STAM2: variants seen among roughly 807,000 people sequenced by gnomAD.
STAM2 encodes the protein signal transducing adapter molecule 2.
In STAM2, 51 loss-of-function variants were observed where a neutral mutation model predicts 65.6. The observed-to-expected ratio is 0.78, with a 90% CI of 0.62 to 0.98. The LOEUF (loss-of-function observed/expected upper bound fraction) is 0.98. STAM2 is among the 50% of genes least tolerant of loss of function. The pLI, the probability that STAM2 is intolerant of heterozygous loss-of-function variation, is 0.00. For missense variants in STAM2, 584 were observed against 617.8 expected (o/e 0.95, Z 0.58); for synonymous variants, 198 against 208.4 (o/e 0.95, Z 0.43).
chr2:152,152,083 G>T (rs1689456391), intron 1 of STAM2, among the ~76,000 whole-genome samples: 1 of 152,104 alleles, frequency 6.6e-6, no homozygotes. Context: ...TAGGACTACA[G>T]GTGTGCACCA....
At chr2:152,147,351 T>G (rs1429110543) in intron 4 of STAM2, 43 bp from the exon 5 acceptor site, 15 of 1,477,320 alleles carry the variant, frequency 1.0e-5, no homozygotes, top group Non-Finnish European at 1.4e-5. Flanking sequence ...AATCTACGGT[T>G]AAAATAAGTA....
chr2:152,140,419 CTTTCCT>C (rs1689224665), intron 7 of STAM2, among the ~76,000 whole-genome samples: 1 of 152,206 alleles, frequency 6.6e-6, no homozygotes, highest in Non-Finnish European at 1.5e-5. Context: ...AAACTTGAGC[CTTTCCT>C]TTTAACTACT....
chr2:152,121,897 A>T lies in STAM2; in HGVS notation c.1350-1095T>A, dbSNP rs371860617. ...GTCTCTACTACAAATACAAAAACAA[A>T]ATTAGCTGGGTGTGGTGGCACGCGC... On this transcript the variant is annotated intron_variant, in intron 13 of 13. Transcript: ENST00000263904. 2.6e-5 allele frequency among the ~76,000 whole-genome samples: 4 copies of T among 151,966 alleles called. No homozygotes were observed. The East Asian group carries it at 7.8e-4, about 29-fold the overall frequency.
In STAM2 at chr2:152,144,935, T is replaced by C. The variant is rs769052989; in HGVS notation, c.470A>G (p.Asn157Ser). The change falls in exon 6 of 14, where the codon AAT (asparagine) becomes AGT (serine). Residue 157 changes from asparagine (N) to serine (S), a missense_variant. Transcript: ENST00000263904. ...TTTGTTTTTGTTCGATGACGTACCA[T>C]TCTTGGCAGCAGCTGAGACAGTCTG... ...GSQTVSAAAKNGTSSNKNKED... is the reference protein window; with the variant it reads ...GSQTVSAAAKSGTSSNKNKED... The C allele has an allele frequency of 2.5e-6, 4 of 1,613,964 alleles. No homozygotes were observed. The highest frequency in any genetic ancestry group is 1.3e-5 in the African/African-American group (1 of 75,052).
chr2:152,153,513 A>G (rs1689485087), intron 1 of STAM2, among the ~76,000 whole-genome samples: 1 of 152,226 alleles, frequency 6.6e-6, no homozygotes, highest in African/African-American at 2.4e-5. Flanking sequence ...TTAAAAAGCC[A>G]TGCAAATTGC....
At chr2:152,144,496 C>G (rs1389641462) in intron 6 of STAM2, among the ~76,000 whole-genome samples, 1 of 152,020 alleles carries the variant, frequency 6.6e-6, no homozygotes. Context: ...TAAAAGTATG[C>G]TAGTTTTATT....
chr2:152,170,324 CA>C (rs946067108), intron 1 of STAM2, among the ~76,000 whole-genome samples: 2 of 149,840 alleles, frequency 1.3e-5, no homozygotes, highest in Non-Finnish European at 3.0e-5. Flanking sequence ...ACTAAAAATA[CA>C]AAAAAAAATT....
At chr2:152,144,104 C>G (rs1256401333) in intron 6 of STAM2, 91 bp from the exon 7 acceptor site, 5 of 1,004,432 alleles carry the variant, frequency 5.0e-6, no homozygotes, top group Non-Finnish European at 6.9e-6. Context: ...AAGAATAAAT[C>G]AAGCATTTTA....
At chr2:152,124,479 A>G (rs1197952369) in intron 12 of STAM2, 2 of 152,352 alleles carry the variant, frequency 1.3e-5, no homozygotes, top group Admixed American at 6.5e-5. Context: ...AAAGTAAAGA[A>G]GAGTTATGGG....
In STAM2 at chr2:152,141,390, T is replaced by C. The variant is rs1689244094; in HGVS notation, c.704+2437A>G. On this transcript the variant is annotated intron_variant, in intron 7 of 13. Transcript: ENST00000263904. ...CTCTACTAAAAATACAAAAATTAGC[T>C]GGGCATGGTGGCGCATGCCTGTAAT... Among the ~76,000 whole-genome samples, 7 of 150,460 alleles carry C rather than the reference T, an allele frequency of 4.7e-5. No individual in the cohort carries two copies. In the South Asian group the frequency reaches 1.5e-3, roughly 32 times the overall value.
rs10209826 is a variant in STAM2, at chr2:152,126,570, T to C, written c.1026-191A>G. 0.051 allele frequency among the ~76,000 whole-genome samples: 7,696 copies of C among 152,236 alleles called. 566 individuals carry two copies. The highest frequency in any genetic ancestry group is 0.16 in the African/African-American group (6,594 of 41,498). ...AATCCTTGTAATAGCTAGGCTGATA[T>C]TGAGGCAGGAGAATAGGGTCTGGAG... On this transcript the variant is annotated intron_variant, in intron 11 of 13. Transcript: ENST00000263904.
At chr2:152,152,481 A>G (rs1386788079) in intron 1 of STAM2, among the ~76,000 whole-genome samples, 1 of 151,924 alleles carries the variant, frequency 6.6e-6, no homozygotes, top group African/African-American at 2.4e-5. Flanking sequence ...CCCGGGAGGC[A>G]GAGCTTGCAG....
At chr2:152,122,058 ATAT>A (rs372346334) in intron 13 of STAM2, among the ~76,000 whole-genome samples, 11 of 112,180 alleles carry the variant, frequency 9.8e-5, no homozygotes, top group African/African-American at 3.5e-4. Context: ...CAAAAAAAAA[ATAT>A]ATATATATAT....
chr2:152,165,024 C>A (rs546872562), intron 1 of STAM2, among the ~76,000 whole-genome samples: 17 of 152,280 alleles, frequency 1.1e-4, no homozygotes, highest in Admixed American at 8.5e-4. Flanking sequence ...CATTTACACA[C>A]ACCCTTACTC....
intron 1 of STAM2, among the ~76,000 whole-genome samples, chr2:152,161,221 C>T (rs2105562395): frequency 6.6e-6 from 1 of 151,590 alleles, no homozygotes. Context: ...CTCTCTGAAA[C>T]ATGTGCTGTG....
intron 7 of STAM2, among the ~76,000 whole-genome samples, chr2:152,136,446 A>T (rs531598180): frequency 4.5e-4 from 68 of 152,252 alleles, no homozygotes; most frequent in South Asian, 4.1e-4. Flanking sequence ...CTCAAAAAAA[A>T]AATAATAAAA....
intron 8 of STAM2, among the ~76,000 whole-genome samples, chr2:152,134,864 C>A (rs1560213145): frequency 6.6e-6 from 1 of 152,136 alleles, no homozygotes; most frequent in Admixed American, 6.5e-5. Context: ...ACACTCAGAT[C>A]CCCCCACCTC....
In STAM2 at chr2:152,120,635, G is replaced by A. The variant is rs986034837; in HGVS notation, c.1517C>T (p.Thr506Ile). 1.2e-6 allele frequency: 2 copies of A among 1,614,124 alleles called. No individual in the cohort carries two copies. The highest frequency in any genetic ancestry group is 1.7e-5 in the Admixed American group (1 of 60,008). Residue 506 changes from threonine (T) to isoleucine (I), a missense_variant, in exon 14 of 14, where the codon ACA becomes ATA. By Grantham distance (89) the Thr-to-Ile change is moderately conservative. Coordinates refer to ENST00000263904, the MANE Select transcript of STAM2 (RefSeq NM_005843.6). ...CTGTGCAACTGGATGAGCTGGAACTGTCACCGGAAAGCCTGCCAGTTGAGG... is the reference window on the plus strand; with the variant it reads ...CTGTGCAACTGGATGAGCTGGAACTATCACCGGAAAGCCTGCCAGTTGAGG... ...NLPQLAGFPVTVPAHPVAQQH... is the reference protein window; with the variant it reads ...NLPQLAGFPVIVPAHPVAQQH...
chr2:152,126,462 CAAT>C, intron 11 of STAM2, 83 bp from the exon 12 acceptor site: 1 of 861,326 alleles, frequency 1.2e-6, no homozygotes, highest in Non-Finnish European at 1.6e-6. Context: ...TAATTTAGCA[CAAT>C]TTCTATTAAT....
Sources: gnomAD v4.1 joint callset for allele counts (sites outside exome capture counted in the v4.1 genomes callset) on GRCh38, gnomAD v4.1.1 for gene constraint, MANE v1.5 for transcripts, NCBI Gene and HGNC (gene_info 2026-07-23, HGNC 2026-07-21) for gene names.